SLC7A2: variants seen among roughly 807,000 people sequenced by gnomAD.
The protein encoded by SLC7A2 is solute carrier family 7 member 2.
Under a neutral mutation model 58.9 loss-of-function variants are expected in SLC7A2, and 48 were observed. That is an observed-to-expected ratio of 0.82 (90% CI 0.65 to 1.04). SLC7A2 has a LOEUF of 1.04. Ranked by LOEUF, SLC7A2 falls within the 50% of genes least tolerant of loss-of-function variation. The pLI is 0.00. For missense variants in SLC7A2, 1,029 were observed against 818.8 expected, an observed-to-expected ratio of 1.26 and a Z score of -3.13; for synonymous variants, 363 against 314.5, an observed-to-expected ratio of 1.15 and a Z score of -1.63.
intron 2 of SLC7A2, among the ~76,000 whole-genome samples, chr8:17,535,895 T>C (rs1226324208): frequency 6.6e-6 from 1 of 152,036 alleles, no homozygotes; most frequent in African/African-American, 2.4e-5. Flanking sequence ...AGAGGGACAC[T>C]CCATCTCAAA....
rs888994207 is a variant in SLC7A2, at chr8:17,530,548, A to G, written c.-22-12770A>G. Among the ~76,000 whole-genome samples the G allele has an allele frequency of 1.7e-4, 26 of 150,854 alleles. 1 individual carries two copies. Among genetic ancestry groups the G allele is most frequent in the African/African-American group, 5.6e-4 (23 of 41,196 alleles). ...GCTGAAGTTAGTTGGCAGAAGGCAG[A>G]TTAGGTACAAGTGTGAGTAAATAGA... On this transcript the variant is annotated intron_variant, in intron 2 of 12. Coordinates refer to ENST00000494857, the MANE Select transcript of SLC7A2 (RefSeq NM_001370338.1).
intron 2 of SLC7A2, among the ~76,000 whole-genome samples, chr8:17,528,297 C>CTAAATAGG (rs1801300112): frequency 6.6e-6 from 1 of 152,106 alleles, no homozygotes; most frequent in South Asian, 2.1e-4. Context: ...TTTATATTTG[C>CTAAATAGG]CTCCCTACAT....
chr8:17,539,359 T>G (rs1028399202), intron 2 of SLC7A2, among the ~76,000 whole-genome samples: 2 of 152,164 alleles, frequency 1.3e-5, no homozygotes, highest in African/African-American at 4.8e-5. Flanking sequence ...AGATCTCACA[T>G]GTATCATTAG....
Position 17,561,983 on chromosome 8 carries a change from G to C in SLC7A2, c.1544G>C (p.Gly515Ala). The C allele has an allele frequency of 6.2e-7, 1 of 1,614,098 alleles. No individual in the cohort carries two copies. Among genetic ancestry groups the C allele is most frequent in the Non-Finnish European group, 8.5e-7 (1 of 1,180,026 alleles). The change falls in exon 11 of 13, where the codon GGA becomes GCA. Residue 515 changes from glycine (G) to alanine (A), a missense_variant. Physicochemically the swap from Gly to Ala is moderately conservative, Grantham distance 60. Transcript: ENST00000494857. ...VLGLSVLTTY[G>A]VHAITRLEAW... ...GGCCTGAGTGTCTTGACCACTTACG[G>C]AGTTCATGCCATCACCAGGCTGGAG... is the stretch of plus-strand genomic sequence containing the variant.
chr8:17,532,533 T>A (rs998063297), intron 2 of SLC7A2, among the ~76,000 whole-genome samples: 2 of 152,186 alleles, frequency 1.3e-5, no homozygotes, highest in Non-Finnish European at 2.9e-5. Flanking sequence ...TTTTTTGAAA[T>A]GTCTTAAGTC....
Position 17,565,037 on chromosome 8 carries a change from A to G in SLC7A2, c.1868A>G (p.Asp623Gly). ...AACAATGAAGAAGATGCTTATCCAG[A>G]CAACGTTCATGCAGCAGCAGAAGAA... is the stretch of plus-strand genomic sequence containing the variant. ...DENNEEDAYP[D>G]NVHAAAEEKS... Residue 623 changes from aspartate (D) to glycine (G), a missense_variant, in exon 13 of 13, where the codon GAC becomes GGC. Asp to Gly is a moderately conservative substitution (Grantham distance 94). Coordinates refer to ENST00000494857, the MANE Select transcript of SLC7A2 (RefSeq NM_001370338.1). 1 of 1,614,008 alleles carries G rather than the reference A, an allele frequency of 6.2e-7. No homozygotes were observed. Among genetic ancestry groups the G allele is most frequent in the Non-Finnish European group, 8.5e-7 (1 of 1,179,936 alleles).
At chr8:17,523,152 T>TA (rs533432859) in intron 2 of SLC7A2, among the ~76,000 whole-genome samples, 219 of 151,296 alleles carry the variant, frequency 1.4e-3, no homozygotes, top group Middle Eastern at 3.4e-3. Context: ...AACATAAATT[T>TA]AAAAAAAAGG....
chr8:17,530,729 T>C (rs548694089), intron 2 of SLC7A2, among the ~76,000 whole-genome samples: 46 of 152,112 alleles, frequency 3.0e-4, no homozygotes, highest in African/African-American at 5.1e-4. Flanking sequence ...CGTGCCACCA[T>C]GCCTGGCTAA....
chr8:17,529,987 CG>C (rs1217040845), intron 2 of SLC7A2, among the ~76,000 whole-genome samples: 1 of 152,122 alleles, frequency 6.6e-6, no homozygotes, highest in Non-Finnish European at 1.5e-5. Flanking sequence ...CAACCTAATA[CG>C]TCTTGAAGGA....
intron 2 of SLC7A2, among the ~76,000 whole-genome samples, chr8:17,536,108 CA>C (rs35051977): frequency 0.32 from 45,371 of 142,116 alleles, 7,929 homozygotes; most frequent in East Asian, 0.66. Context: ...TTCCTTGGCA[CA>C]AAAAAAAAAA....
At chr8:17,530,380 A>G (rs1355028978) in intron 2 of SLC7A2, among the ~76,000 whole-genome samples, 1 of 152,066 alleles carries the variant, frequency 6.6e-6, no homozygotes, top group Non-Finnish European at 1.5e-5. Flanking sequence ...TTTCACCTTT[A>G]TGTGAGCCAG....
chr8:17,516,039 A>G (rs1309535223), intron 2 of SLC7A2, among the ~76,000 whole-genome samples: 1 of 152,096 alleles, frequency 6.6e-6, no homozygotes, highest in Non-Finnish European at 1.5e-5. Context: ...CTTGCCATTC[A>G]TGTATTTAAA....
In SLC7A2 at chr8:17,563,598, C is replaced by T. The variant is rs1230900278; in HGVS notation, c.1672-5C>T. ...TATGTTCAAAAGGATTGTTTTCCCC[C>T]TCAGGTTCCATTCTTACCATTTTTG... On this transcript the variant is annotated splice_polypyrimidine_tract_variant and splice_region_variant and intron_variant, in intron 11 of 12. Transcript: ENST00000494857. The T allele has an allele frequency of 1.9e-6, 3 of 1,570,676 alleles. No individual in the cohort carries two copies. The highest frequency in any genetic ancestry group is 1.1e-5 in the South Asian group (1 of 89,066).
chr8:17,557,687 G>T (rs982218905), intron 8 of SLC7A2, among the ~76,000 whole-genome samples: 1 of 148,108 alleles, frequency 6.8e-6, no homozygotes, highest in Non-Finnish European at 1.5e-5. Flanking sequence ...AATTAGCCAG[G>T]TGTGGTGGCG....
chr8:17,558,164 C>A lies in SLC7A2; in HGVS notation c.1196-131C>A, dbSNP rs932427963. On this transcript the variant is annotated intron_variant, in intron 8 of 12. Coordinates refer to ENST00000494857, the MANE Select transcript of SLC7A2 (RefSeq NM_001370338.1). ...TTATTAACTGTGAGAGATATATTTT[C>A]TACACTCTGGTTGACTTATCCTTGG... 4.9e-6 allele frequency: 3 copies of A among 616,766 alleles called. 1 individual carries two copies. The African/African-American group carries it at 5.5e-5, about 11-fold the overall frequency. 38.2% of individuals were successfully genotyped at this position (616,766 alleles called of 1,614,324 possible).
chr8:17,558,502 C>G (rs1802814720), intron 9 of SLC7A2, 105 bp downstream of exon 9: 1 of 644,200 alleles, frequency 1.6e-6, no homozygotes, highest in Non-Finnish European at 2.8e-6. Context: ...GCAGTCTCAC[C>G]AAGGTGAGAG....
intron 8 of SLC7A2, among the ~76,000 whole-genome samples, chr8:17,557,729 G>A (rs1802775155): frequency 6.6e-6 from 1 of 152,134 alleles, no homozygotes; most frequent in Non-Finnish European, 1.5e-5. Flanking sequence ...TCGGCAGGCT[G>A]AGATATGACA....
At chr8:17,524,406 ATGTG>A (rs147627145) in intron 2 of SLC7A2, among the ~76,000 whole-genome samples, 2 of 139,208 alleles carry the variant, frequency 1.4e-5, no homozygotes, top group Admixed American at 1.4e-4. Flanking sequence ...ATATACATAT[ATGTG>A]TGTGTGTGTG....
chr8:17,521,119 A>AT lies in SLC7A2; in HGVS notation c.-23+18825dup, dbSNP rs199799813. On this transcript the variant is annotated intron_variant, in intron 2 of 12. Transcript: ENST00000494857. ...TAAGGTAACTACATTTTCTTCTACT[A>AT]TTTTTTTTGGTAGTCCTTGAGCCAT... Among the ~76,000 whole-genome samples the AT allele has an allele frequency of 4.4e-3, 675 of 151,900 alleles. 6 individuals are homozygous for AT. Among genetic ancestry groups the AT allele is most frequent in the African/African-American group, 0.015 (636 of 41,458 alleles).
Sources: gnomAD v4.1 joint callset for allele counts (sites outside exome capture counted in the v4.1 genomes callset) on GRCh38, gnomAD v4.1.1 for gene constraint, MANE v1.5 for transcripts, NCBI Gene and HGNC (gene_info 2026-07-23, HGNC 2026-07-21) for gene names.